Variants in STARD9 observed in about 807,000 individuals in gnomAD.
The protein encoded by STARD9 is StAR related lipid transfer domain containing 9.
STARD9 carries 346 observed loss-of-function variants against 399.8 expected under a neutral mutation model. That is an observed-to-expected ratio of 0.87 (90% CI 0.79 to 0.95). STARD9 has a LOEUF of 0.95. Ranked by LOEUF, STARD9 falls within the 40% of genes least tolerant of loss-of-function variation. The pLI is 0.00. For synonymous variants in STARD9, 2,203 were observed against 2,143.5 expected (o/e 1.03, Z -0.77); for missense variants, 5,832 against 5,667.5 (o/e 1.03, Z -0.93).
chr15:42,675,785 C>T, intron 19 of STARD9, 39 bp downstream of exon 19: 1 of 1,533,794 alleles, frequency 6.5e-7, no homozygotes, highest in South Asian at 1.2e-5. Context: ...TGCTGGCCTC[C>T]CTGTTTCCAC....
chr15:42,613,767 C>A (rs2058901810), intron 3 of STARD9, among the ~76,000 whole-genome samples: 2 of 151,500 alleles, frequency 1.3e-5, no homozygotes, highest in African/African-American at 2.4e-5. Context: ...GAGTTTGAGA[C>A]CAGCCTGGCC....
In STARD9 at chr15:42,658,807, A is replaced by G. The variant is rs920085871; in HGVS notation, c.703-2351A>G. ...CCCCTTTTGCACTTTTAAAGACATTATTAGGAGAATAAAAAGAAAAGCAGG... is the reference window on the plus strand; with the variant it reads ...CCCCTTTTGCACTTTTAAAGACATTGTTAGGAGAATAAAAAGAAAAGCAGG... On this transcript the variant is annotated intron_variant, in intron 9 of 32. Coordinates refer to ENST00000290607, the MANE Select transcript of STARD9 (RefSeq NM_020759.3). Among the ~76,000 whole-genome samples, 41 of 149,550 alleles carry G rather than the reference A, an allele frequency of 2.7e-4. 1 individual carries two copies. The highest frequency in any genetic ancestry group is 1.4e-3 in the Admixed American group (21 of 14,996).
chr15:42,658,391 G>T (rs1426420321), intron 9 of STARD9, among the ~76,000 whole-genome samples: 1 of 151,222 alleles, frequency 6.6e-6, no homozygotes, highest in Non-Finnish European at 1.5e-5. Flanking sequence ...GCCCAGGCTG[G>T]TCTTAAATCC....
chr15:42,605,706 G>A (rs892971346), intron 3 of STARD9, among the ~76,000 whole-genome samples: 3 of 152,178 alleles, frequency 2.0e-5, no homozygotes, highest in African/African-American at 7.2e-5. Context: ...GGGGATATGC[G>A]CTGAATTGGT....
chr15:42,627,658 G>A (rs2059253251), intron 3 of STARD9, among the ~76,000 whole-genome samples: 1 of 152,094 alleles, frequency 6.6e-6, no homozygotes, highest in Admixed American at 6.6e-5. Flanking sequence ...GAGTTCAAGT[G>A]TTTTAATTTT....
At chr15:42,581,079 C>T (rs766514302) in intron 1 of STARD9, 15 of 626,080 alleles carry the variant, frequency 2.4e-5, no homozygotes, top group Admixed American at 4.3e-5. Flanking sequence ...ATCAGGTGCA[C>T]ACAGGTACCA....
At position 42,720,820 on chromosome 15, in the gene STARD9, T is replaced by G. The variant is rs2061439377; in HGVS notation, c.*1246T>G. Reference sequence around the variant, plus strand: ...ACCTCAGATTAAGTTATTTATATATTGTTGATTGAAGGTTTTTTAAAATTG... The same window carrying G: ...ACCTCAGATTAAGTTATTTATATATGGTTGATTGAAGGTTTTTTAAAATTG... On this transcript the variant is annotated 3_prime_UTR_variant, in exon 33 of 33. Transcript: ENST00000290607. 6.6e-6 allele frequency: 1 copy of G among 152,196 alleles called. No individual in the cohort carries two copies. Among genetic ancestry groups the G allele is most frequent in the Admixed American group, 6.5e-5 (1 of 15,282 alleles). 9.4% of individuals were successfully genotyped at this position (152,196 alleles called of 1,614,324 possible).
chr15:42,633,622 T>C (rs1482665449), intron 3 of STARD9, among the ~76,000 whole-genome samples: 1 of 151,876 alleles, frequency 6.6e-6, no homozygotes, highest in Non-Finnish European at 1.5e-5. Context: ...TGACATCTAG[T>C]TGTCCGGCCC....
chr15:42,678,856 C>A (rs1291863106), intron 20 of STARD9, among the ~76,000 whole-genome samples: 2 of 152,216 alleles, frequency 1.3e-5, no homozygotes, highest in African/African-American at 4.8e-5. Context: ...TTCTTTTTCA[C>A]CTGCTTTCTG....
rs185165874 is a variant in STARD9 at position 42,690,105 on chromosome 15, G to C, written c.8527G>C (p.Gly2843Arg). 4 of 1,537,780 alleles carry C rather than the reference G, an allele frequency of 2.6e-6. No homozygotes were observed. The highest frequency in any genetic ancestry group is 3.9e-5 in the Admixed American group (2 of 51,002). The change falls in exon 23 of 33, where the codon GGC (glycine) becomes CGC (arginine). Residue 2843 changes from glycine to arginine, a missense_variant. Around this residue, in one of 2 missense-constraint regions of STARD9, gnomAD observed 5,828 missense variants for 5,651.1 expected, o/e 1.03. Transcript: ENST00000290607. ...DHVQCPEAST[G>R]FEEGRASPKQ... ...TGTCCAATGCCCTGAGGCTTCTACTGGCTTTGAAGAAGGTAGGGCAAGTCC... is the reference window on the plus strand; with the variant it reads ...TGTCCAATGCCCTGAGGCTTCTACTCGCTTTGAAGAAGGTAGGGCAAGTCC...
chr15:42,670,613 G>T (rs959189436), intron 16 of STARD9: 3 of 152,142 alleles, frequency 2.0e-5, no homozygotes, highest in African/African-American at 7.2e-5. Flanking sequence ...AGTTTCTGGG[G>T]AGTATGTAAT....
chr15:42,645,742 A>C (rs1017173594), intron 7 of STARD9, among the ~76,000 whole-genome samples: 2 of 151,996 alleles, frequency 1.3e-5, no homozygotes, highest in Non-Finnish European at 2.9e-5. Context: ...GGGTTTCACC[A>C]TGTTGCCCAG....
chr15:42,585,027 A>G (rs1262659175), intron 2 of STARD9, among the ~76,000 whole-genome samples: 2 of 152,212 alleles, frequency 1.3e-5, no homozygotes, highest in Non-Finnish European at 2.9e-5. Flanking sequence ...TATTAAAAAT[A>G]TTGTATAAAA....
chr15:42,664,606 ATCC>A (rs1197323811), intron 13 of STARD9, among the ~76,000 whole-genome samples: 2 of 152,170 alleles, frequency 1.3e-5, no homozygotes, highest in Non-Finnish European at 2.9e-5. Flanking sequence ...GACTCAAATG[ATCC>A]TCCTACCTCA....
Position 42,693,244 on chromosome 15 carries a change from C to G in STARD9, c.11666C>G (p.Thr3889Arg). 1 of 1,537,032 alleles carries G rather than the reference C, an allele frequency of 6.5e-7. No individual in the cohort carries two copies. Among genetic ancestry groups the G allele is most frequent in the Non-Finnish European group, 8.7e-7 (1 of 1,146,840 alleles). ...AGGGTCCAGAAGAAGCTGGGCCCCA[C>G]AAGTGCTTTGTTCGTGGACAGGGCC... ...DSRVQKKLGP[T>R]SALFVDRASS... Residue 3889 changes from threonine to arginine, a missense_variant, in exon 23 of 33, where the codon ACA becomes AGA. By Grantham distance (71) the Thr-to-Arg change is moderately conservative. Transcript: ENST00000290607.
In STARD9 at chr15:42,665,128, G is replaced by C; in HGVS notation, c.1177-125G>C. ...TGCGGGTCCTGGGACCACAACTTGAGAATGACTGCTGTAGAGACTACTCCA... is the reference window on the plus strand; with the variant it reads ...TGCGGGTCCTGGGACCACAACTTGACAATGACTGCTGTAGAGACTACTCCA... On this transcript the variant is annotated intron_variant, in intron 13 of 32. Transcript: ENST00000290607. The C allele has an allele frequency of 7.1e-6, 5 of 699,438 alleles. No individual in the cohort carries two copies. The South Asian group carries it at 9.4e-5, about 13-fold the overall frequency. The allele number at this position is 699,438 out of a possible 1,614,324, so 43.3% of individuals were successfully genotyped here.
intron 3 of STARD9, among the ~76,000 whole-genome samples, chr15:42,599,490 T>C (rs2058579886): frequency 6.6e-6 from 1 of 152,208 alleles, no homozygotes; most frequent in Admixed American, 6.6e-5. Context: ...CCAGTTTCTA[T>C]CGTACAAAAT....
At chr15:42,576,000 G>C (rs2058046226) in intron 1 of STARD9, among the ~76,000 whole-genome samples, 1 of 152,186 alleles carries the variant, frequency 6.6e-6, no homozygotes. Context: ...GGTGAGCGTC[G>C]CTGGCGTCCT....
intron 3 of STARD9, among the ~76,000 whole-genome samples, chr15:42,622,311 C>T (rs1019253705): frequency 6.6e-6 from 1 of 152,088 alleles, no homozygotes; most frequent in East Asian, 1.9e-4. Flanking sequence ...AAATGAAAGC[C>T]AAGTTTCTCA....
Sources: gnomAD v4.1 joint callset for allele counts (sites outside exome capture counted in the v4.1 genomes callset) on GRCh38, gnomAD v4.1.1 for gene constraint, gnomAD v4.1.1 regional missense constraint, MANE v1.5 for transcripts, NCBI Gene and HGNC (gene_info 2026-07-23, HGNC 2026-07-21) for gene names.